DYRK3: variants seen among roughly 807,000 people sequenced by gnomAD.
DYRK3 encodes the protein dual specificity tyrosine phosphorylation regulated kinase 3.
A neutral mutation model predicts 40.8 loss-of-function variants in DYRK3; 30 were observed. That is an observed-to-expected ratio of 0.74 (90% confidence interval 0.55 to 1.00). The LOEUF (loss-of-function observed/expected upper bound fraction) is 1.00. Ranked by LOEUF, DYRK3 falls within the 50% of genes least tolerant of loss-of-function variation. The pLI is 0.00. For synonymous variants in DYRK3, 272 were observed against 260.7 expected (o/e 1.04, Z -0.42); for missense variants, 699 against 731.5 (o/e 0.96, Z 0.51).
Position 206,635,795 on chromosome 1 carries a change from G to T in DYRK3, c.77+15G>T. On this transcript the variant is annotated intron_variant, in intron 1 of 2. Transcript: ENST00000367109. Reference sequence around the variant, plus strand: ...CAGCAGCGGAGGTAACGGCGCCACGGGGTAACGGGCTGGAGGCGCCACAGG... The same window carrying T: ...CAGCAGCGGAGGTAACGGCGCCACGTGGTAACGGGCTGGAGGCGCCACAGG... 8.0e-7 allele frequency: 1 copy of T among 1,243,710 alleles called. No individual in the cohort carries two copies. The allele number at this position is 1,243,710 out of a possible 1,614,324, so 77.0% of individuals were successfully genotyped here.
intron 2 of DYRK3, among the ~76,000 whole-genome samples, chr1:206,642,709 T>A (rs1330164207): frequency 6.6e-6 from 1 of 151,932 alleles, no homozygotes; most frequent in African/African-American, 2.4e-5. Flanking sequence ...TTCTCACTCA[T>A]AGGTGCGAAT....
At chr1:206,644,606 C>T (rs1300818179) in intron 2 of DYRK3, among the ~76,000 whole-genome samples, 2 of 152,202 alleles carry the variant, frequency 1.3e-5, no homozygotes, top group Non-Finnish European at 2.9e-5. Flanking sequence ...GTGGTGCGAT[C>T]TCAGCTCACT....
At chr1:206,637,926 C>T (rs1033714731) in intron 2 of DYRK3, among the ~76,000 whole-genome samples, 165 bp downstream of exon 2, 6 of 152,138 alleles carry the variant, frequency 3.9e-5, no homozygotes, top group Admixed American at 2.6e-4. Flanking sequence ...CCAAATTTAG[C>T]TTTTCAGAAT....
chr1:206,647,604 C>T lies in DYRK3; in HGVS notation c.406C>T (p.Pro136Ser). The stretch of plus-strand genomic sequence containing the variant: ...AAAATCCAACAGTTCATCCAAGGCA[C>T]CCAAAGTGGTGCCTCTGACTCCAGA... ...TVKSNSSSKA[P>S]KVVPLTPEQA... The change falls in exon 3 of 3, where the codon CCC becomes TCC. Residue 136 changes from proline to serine, a missense_variant. Transcript: ENST00000367109. 3 of 1,614,156 alleles carry T rather than the reference C, an allele frequency of 1.9e-6. No individual in the cohort carries two copies. Among genetic ancestry groups the T allele is most frequent in the East Asian group, 2.2e-5 (1 of 44,884 alleles).
intron 2 of DYRK3, among the ~76,000 whole-genome samples, chr1:206,638,910 T>A (rs1553418828): frequency 2.7e-5 from 4 of 149,416 alleles, no homozygotes; most frequent in African/African-American, 9.9e-5. Context: ...GACGCAGTCT[T>A]ACTCTGTCTT....
Position 206,653,052 on chromosome 1 carries a change from C to T in DYRK3, c.*4087C>T, listed in dbSNP as rs1316899222. ...ATTTTTTCTTTTTGAGACAGAGTCTCGCTCTGTCGTCCAGGCTGGAGTGAA... is the reference window on the plus strand; with the variant it reads ...ATTTTTTCTTTTTGAGACAGAGTCTTGCTCTGTCGTCCAGGCTGGAGTGAA... On this transcript the variant is annotated 3_prime_UTR_variant, in exon 3 of 3. Coordinates refer to ENST00000367109, the MANE Select transcript of DYRK3 (RefSeq NM_003582.4). 6.6e-6 allele frequency among the ~76,000 whole-genome samples: 1 copy of T among 152,118 alleles called. No homozygotes were observed. The highest frequency in any genetic ancestry group is 1.5e-5 in the Non-Finnish European group (1 of 68,038).
rs1553420844 is a variant in DYRK3 at position 206,648,736 on chromosome 1, C to T, written c.1538C>T (p.Pro513Leu). Reference protein sequence around the residue: ...LHWDPSARLTPAQALRHPWIS... With the variant: ...LHWDPSARLTLAQALRHPWIS... Reference sequence around the variant, plus strand: ...TGGGACCCCTCTGCCCGCTTGACCCCAGCTCAAGCATTAAGACACCCTTGG... The same window carrying T: ...TGGGACCCCTCTGCCCGCTTGACCCTAGCTCAAGCATTAAGACACCCTTGG... The change falls in exon 3 of 3, where the codon CCA becomes CTA. Residue 513 changes from proline (P) to leucine (L), a missense_variant. Coordinates refer to ENST00000367109, the MANE Select transcript of DYRK3 (RefSeq NM_003582.4). 2 of 1,614,022 alleles carry T rather than the reference C, an allele frequency of 1.2e-6. No homozygotes were observed. Among genetic ancestry groups the T allele is most frequent in the East Asian group, 4.5e-5 (2 of 44,878 alleles).
At chr1:206,635,934 C>T (rs199680711) in intron 1 of DYRK3, 154 bp downstream of exon 1, 16 of 1,316,882 alleles carry the variant, frequency 1.2e-5, no homozygotes, top group Non-Finnish European at 1.5e-5. Context: ...CCCCCACCTC[C>T]TCTCTATCAG....
At position 206,648,740 on chromosome 1, in the gene DYRK3, T is replaced by G; in HGVS notation, c.1542T>G (p.Ala514=). The part of the protein sequence containing the change: ...HWDPSARLTP[A]QALRHPWISK... ...ACCCCTCTGCCCGCTTGACCCCAGCTCAAGCATTAAGACACCCTTGGATTA... is the reference window on the plus strand; with the variant it reads ...ACCCCTCTGCCCGCTTGACCCCAGCGCAAGCATTAAGACACCCTTGGATTA... The change falls in exon 3 of 3, where the codon GCT becomes GCG. Residue 514 remains alanine, a synonymous_variant. Transcript: ENST00000367109. 6.2e-7 allele frequency: 1 copy of G among 1,614,070 alleles called. No individual in the cohort carries two copies. The highest frequency in any genetic ancestry group is 2.2e-5 in the East Asian group (1 of 44,880).
rs782773062 is a variant in DYRK3, at chr1:206,637,707, CT to C, written c.136del (p.Cys46ValfsTer17). 1 of 1,614,100 alleles carries C rather than the reference CT, an allele frequency of 6.2e-7. No homozygotes were observed. The highest frequency in any genetic ancestry group is 2.2e-5 in the East Asian group (1 of 44,866). On this transcript the variant is annotated frameshift_variant, in exon 2 of 3. Transcript: ENST00000367109. LOFTEE classifies it high-confidence loss of function. The stretch of plus-strand genomic sequence containing the variant: ...TGATAGATGAAACCAAATGTCCCCC[CT>C]GTTCAAATGTACTCTGCAATCCTTC... ...MMIDETKCPP[C>X]SNVLCNPSEP...
At chr1:206,639,699 A>T (rs1256298239) in intron 2 of DYRK3, among the ~76,000 whole-genome samples, 2 of 151,162 alleles carry the variant, frequency 1.3e-5, no homozygotes, top group Non-Finnish European at 3.0e-5. Flanking sequence ...TGACCTTGTG[A>T]TGCACCCACC....
chr1:206,637,657 G>A lies in DYRK3; in HGVS notation c.85G>A (p.Asp29Asn). Residue 29 changes from aspartate to asparagine, a missense_variant, in exon 2 of 3, where the codon GAT becomes AAT. Physicochemically the swap from Asp to Asn is conservative, Grantham distance 23. Transcript: ENST00000367109. ...TGTAATCCTTTTAACTAGGTTGGGGGATGGTGTCTATGACACCTTCATGAT... is the reference window on the plus strand; with the variant it reads ...TGTAATCCTTTTAACTAGGTTGGGGAATGGTGTCTATGACACCTTCATGAT... ...GLPPQQRRLG[D>N]GVYDTFMMID... 6.2e-7 allele frequency: 1 copy of A among 1,612,360 alleles called. No homozygotes were observed. The highest frequency in any genetic ancestry group is 1.1e-5 in the South Asian group (1 of 90,946).
rs1671712226 is a variant in DYRK3 at position 206,654,802 on chromosome 1, GATTC to G, written c.*5838_*5841del. Among the ~76,000 whole-genome samples the G allele has an allele frequency of 1.3e-5, 2 of 152,214 alleles. No individual in the cohort carries two copies. Among genetic ancestry groups the G allele is most frequent in the South Asian group, 4.1e-4 (2 of 4,828 alleles). ...TCTAGACTTTGAAGAAGCAGGGTAT[GATTC>G]TTAATATAGCCCACCCATCGCTAAG... On this transcript the variant is annotated 3_prime_UTR_variant, in exon 3 of 3. Transcript: ENST00000367109.
intron 1 of DYRK3, chr1:206,636,278 C>T: frequency 4.0e-6 from 1 of 250,298 alleles, no homozygotes; most frequent in South Asian, 4.1e-5. Flanking sequence ...GAGAGATTCC[C>T]CACCTTGCGT....
intron 1 of DYRK3, 24 bp from the exon 2 acceptor site, chr1:206,637,626 T>A: frequency 6.5e-7 from 1 of 1,533,862 alleles, no homozygotes; most frequent in Non-Finnish European, 9.0e-7. Flanking sequence ...CCTGACAGAT[T>A]TTGTCTGTAA....
intron 1 of DYRK3, chr1:206,636,036 C>A: frequency 6.8e-7 from 1 of 1,467,354 alleles, no homozygotes; most frequent in Non-Finnish European, 9.0e-7. Context: ...TGGATTCCCT[C>A]TGAAACCCTA....
At position 206,648,222 on chromosome 1, in the gene DYRK3, C is replaced by A; in HGVS notation, c.1024C>A (p.Leu342Ile). Residue 342 changes from leucine (L) to isoleucine (I), a missense_variant, in exon 3 of 3, where the codon CTC (leucine) becomes ATC (isoleucine). Transcript: ENST00000367109. Reference sequence around the variant, plus strand: ...CTGCGATCTGAAGCCAGAAAACATTCTCCTGAAACACCACGGGCGCAGTTC... The same window carrying A: ...CTGCGATCTGAAGCCAGAAAACATTATCCTGAAACACCACGGGCGCAGTTC... ...IHCDLKPENI[L>I]LKHHGRSSTK... 6.2e-7 allele frequency: 1 copy of A among 1,614,180 alleles called. No individual in the cohort carries two copies. The highest frequency in any genetic ancestry group is 1.1e-5 in the South Asian group (1 of 91,086).
chr1:206,647,731 G>A lies in DYRK3; in HGVS notation c.533G>A (p.Arg178Lys). 6.2e-7 allele frequency: 1 copy of A among 1,614,124 alleles called. No individual in the cohort carries two copies. The highest frequency in any genetic ancestry group is 8.5e-7 in the Non-Finnish European group (1 of 1,180,014). The change falls in exon 3 of 3, where the codon AGA becomes AAA. Residue 178 changes from arginine (R) to lysine (K), a missense_variant. Arg to Lys is a conservative substitution (Grantham distance 26). Coordinates refer to ENST00000367109, the MANE Select transcript of DYRK3 (RefSeq NM_003582.4). ...IYFVGPNAKK[R>K]HGVIGGPNNG... The stretch of plus-strand genomic sequence containing the variant: ...TTTGTAGGTCCAAATGCCAAGAAAA[G>A]ACATGGAGTTATTGGTGGTCCCAAT...
rs1671718551 is a variant in DYRK3, at chr1:206,655,037, G to A, written c.*6072G>A. The stretch of plus-strand genomic sequence containing the variant: ...AATGACTTTGGTGTCATGGGATTCT[G>A]TCCATTGTCCGTTTGAGTCTGCTGA... On this transcript the variant is annotated 3_prime_UTR_variant, in exon 3 of 3. Coordinates refer to ENST00000367109, the MANE Select transcript of DYRK3 (RefSeq NM_003582.4). Among the ~76,000 whole-genome samples, 1 of 152,232 alleles carries A rather than the reference G, an allele frequency of 6.6e-6. No homozygotes were observed. The highest frequency in any genetic ancestry group is 2.1e-4 in the South Asian group (1 of 4,838).
Sources: allele counts gnomAD v4.1 joint callset (sites outside exome capture counted in the v4.1 genomes callset), GRCh38; gene constraint gnomAD v4.1.1; transcripts MANE v1.5; gene names NCBI Gene and HGNC (gene_info 2026-07-23, HGNC 2026-07-21).